The following NEGR1 variants were observed in gnomAD, a reference collection of about 807,000 sequenced individuals.
NEGR1 encodes the protein neuronal growth regulator 1.
A neutral mutation model predicts 40.9 loss-of-function variants in NEGR1; 10 were observed. That is an observed-to-expected ratio of 0.24 (90% CI 0.15 to 0.42). NEGR1 has a LOEUF of 0.42. Ranked by LOEUF, NEGR1 falls within the 10% of genes least tolerant of loss-of-function variation. NEGR1 has a pLI of 1.00. For missense variants in NEGR1, 352 were observed against 438.9 expected, an observed-to-expected ratio of 0.80 and a Z score of 1.77; for synonymous variants, 185 against 166.8, an observed-to-expected ratio of 1.11 and a Z score of -0.84.
intron 2 of NEGR1, among the ~76,000 whole-genome samples, chr1:71,925,906 C>T (rs550580676): frequency 6.6e-6 from 1 of 152,138 alleles, no homozygotes; most frequent in Non-Finnish European, 1.5e-5. Context: ...GTACATTGCA[C>T]TGGGATTTGA....
intron 1 of NEGR1, among the ~76,000 whole-genome samples, chr1:71,956,093 T>A (rs1174433820): frequency 2.0e-5 from 3 of 152,216 alleles, no homozygotes; most frequent in Non-Finnish European, 2.9e-5. Flanking sequence ...CATTGTTTAG[T>A]TTGGGCAACC....
intron 6 of NEGR1, among the ~76,000 whole-genome samples, chr1:71,576,041 T>C (rs1197006990): frequency 6.6e-6 from 1 of 152,110 alleles, no homozygotes; most frequent in Non-Finnish European, 1.5e-5. Context: ...TTTCTTGATA[T>C]GTAGTCATGG....
At chr1:71,703,607 G>T (rs12040455) in intron 3 of NEGR1, among the ~76,000 whole-genome samples, 54,761 of 151,044 alleles carry the variant, frequency 0.36, 10,680 homozygotes, top group East Asian at 0.5. Context: ...AGAAAAAAAT[G>T]ACACAACGTT....
chr1:72,148,247 C>A (rs934247305), intron 1 of NEGR1, among the ~76,000 whole-genome samples: 3 of 152,100 alleles, frequency 2.0e-5, no homozygotes, highest in Non-Finnish European at 4.4e-5. Context: ...GACGGAGGTT[C>A]CCAAACCTCC....
chr1:71,869,247 A>T (rs1026885600), intron 2 of NEGR1, among the ~76,000 whole-genome samples: 1 of 152,238 alleles, frequency 6.6e-6, no homozygotes, highest in Non-Finnish European at 1.5e-5. Context: ...AATTAAGTAA[A>T]TGAGTTATTT....
intron 1 of NEGR1, among the ~76,000 whole-genome samples, chr1:71,939,138 CAGTT>C (rs1645936853): frequency 6.6e-6 from 1 of 152,134 alleles, no homozygotes; most frequent in Non-Finnish European, 1.5e-5. Flanking sequence ...TCTCTTGCCT[CAGTT>C]AGTTTGTATT....
At chr1:71,956,503 T>C (rs1218630400) in intron 1 of NEGR1, among the ~76,000 whole-genome samples, 3 of 152,096 alleles carry the variant, frequency 2.0e-5, no homozygotes. Context: ...GAGAACACTT[T>C]CCATACATAA....
intron 2 of NEGR1, among the ~76,000 whole-genome samples, chr1:71,871,835 G>A (rs1431033732): frequency 6.6e-6 from 1 of 152,084 alleles, no homozygotes; most frequent in Non-Finnish European, 1.5e-5. Context: ...GCTCATTCAT[G>A]AATTGCAGCT....
intron 2 of NEGR1, among the ~76,000 whole-genome samples, chr1:71,778,971 TGGTAAATTCCAG>T (rs1656607324): frequency 1.3e-5 from 2 of 151,672 alleles, no homozygotes; most frequent in African/African-American, 4.8e-5. Flanking sequence ...GTGGGGAGAG[TGGTAAATTCCAG>T]GTGTGACATG....
At chr1:71,999,678 T>TATATATATATATATATATATAC (rs1457710237) in intron 1 of NEGR1, among the ~76,000 whole-genome samples, 3 of 49,876 alleles carry the variant, frequency 6.0e-5, no homozygotes, top group Non-Finnish European at 8.2e-5. Flanking sequence ...TATATATATA[T>TATATATATATATATATATATAC]ACATACATAT....
At chr1:71,752,145 G>A (rs1570297832) in intron 3 of NEGR1, among the ~76,000 whole-genome samples, 1 of 152,282 alleles carries the variant, frequency 6.6e-6, no homozygotes, top group African/African-American at 2.4e-5. Context: ...GTGTAATACT[G>A]AGAAGGAAAC....
At chr1:71,739,249 G>A (rs934328387) in intron 3 of NEGR1, among the ~76,000 whole-genome samples, 2 of 147,246 alleles carry the variant, frequency 1.4e-5, no homozygotes, top group Non-Finnish European at 3.0e-5. Flanking sequence ...GACTAGACTC[G>A]CTTAGCCTCC....
intron 6 of NEGR1, among the ~76,000 whole-genome samples, chr1:71,499,654 A>G (rs1646987239): frequency 2.0e-5 from 3 of 151,864 alleles, no homozygotes; most frequent in Admixed American, 1.3e-4. Flanking sequence ...TTATCCCAGT[A>G]TCATTTCTTC....
intron 1 of NEGR1, among the ~76,000 whole-genome samples, chr1:72,118,585 A>G (rs926231185): frequency 6.6e-6 from 1 of 151,664 alleles, no homozygotes; most frequent in Non-Finnish European, 1.5e-5. Flanking sequence ...TGGCTTTCTG[A>G]TTGTTGTACA....
intron 2 of NEGR1, among the ~76,000 whole-genome samples, chr1:71,902,189 G>A (rs2101864456): frequency 6.6e-6 from 1 of 152,254 alleles, no homozygotes; most frequent in East Asian, 1.9e-4. Flanking sequence ...TAAGGATGTA[G>A]CAGTAATGAC....
intron 1 of NEGR1, among the ~76,000 whole-genome samples, chr1:71,980,599 A>T (rs1246852075): frequency 6.6e-6 from 1 of 152,174 alleles, no homozygotes; most frequent in Non-Finnish European, 1.5e-5. Flanking sequence ...AAGTCCCTTT[A>T]ATGTAACCAG....
intron 2 of NEGR1, among the ~76,000 whole-genome samples, chr1:71,810,207 G>T (rs1201935537): frequency 6.6e-6 from 1 of 152,104 alleles, no homozygotes; most frequent in Admixed American, 6.6e-5. Context: ...CTTTGGTTAA[G>T]CTTTCCTTTG....
intron 6 of NEGR1, among the ~76,000 whole-genome samples, chr1:71,450,340 C>T (rs1355540985): frequency 6.6e-6 from 1 of 152,038 alleles, no homozygotes; most frequent in African/African-American, 2.4e-5. Flanking sequence ...CAATGCACAG[C>T]AAAATCTGTG....
At chr1:71,411,673 T>C (rs1377854703) in intron 6 of NEGR1, among the ~76,000 whole-genome samples, 2 of 152,162 alleles carry the variant, frequency 1.3e-5, no homozygotes, top group East Asian at 1.9e-4. Context: ...GGCTACTCAG[T>C]AGACAATAGA....
Sources: gnomAD v4.1 joint callset for allele counts (sites outside exome capture counted in the v4.1 genomes callset) on GRCh38, gnomAD v4.1.1 for gene constraint, MANE v1.5 for transcripts, NCBI Gene and HGNC (gene_info 2026-07-23, HGNC 2026-07-21) for gene names.